Variants in TSHZ1 observed in about 807,000 individuals in gnomAD.
The protein encoded by TSHZ1 is teashirt homolog 1.
TSHZ1 carries 12 observed loss-of-function variants against 67.1 expected under a neutral mutation model. That is an observed-to-expected ratio of 0.18 (90% CI 0.11 to 0.29). TSHZ1 has a LOEUF of 0.29. Among genes scored for constraint, TSHZ1 ranks in the 10% least tolerant of loss-of-function variants. The probability of loss-of-function intolerance (pLI) is 1.00; values close to 1 mark genes in which losing one functional copy is unlikely to be tolerated. For synonymous variants in TSHZ1, 632 were observed against 622.4 expected, an observed-to-expected ratio of 1.02 and a Z score of -0.23; for missense variants, 1,305 against 1,413.9, an observed-to-expected ratio of 0.92 and a Z score of 1.23.
At position 75,282,987 on chromosome 18, in the gene TSHZ1, C is replaced by T. The variant is rs561851716; in HGVS notation, c.41-2461C>T. The T allele has an allele frequency of 3.3e-5, 5 of 152,446 alleles. No individual in the cohort carries two copies. The East Asian group carries it at 9.6e-4, about 29-fold the overall frequency. 9.4% of individuals were successfully genotyped at this position (152,446 alleles called of 1,614,324 possible). A position where few individuals can be genotyped will look rare whatever the true frequency, so the allele number is the denominator to read the frequency against. ...CAGATCCAAGTCAAGCTAAACGTTT[C>T]CTTTGCATTAGTGGCCATGAAACTC... On this transcript the variant is annotated intron_variant, in intron 1 of 1. Transcript: ENST00000580243.
chr18:75,234,670 A>G (rs1264340942), intron 1 of TSHZ1, among the ~76,000 whole-genome samples: 2 of 151,860 alleles, frequency 1.3e-5, no homozygotes, highest in Non-Finnish European at 2.9e-5. Context: ...ATTTGGTTGG[A>G]TACCAACTCA....
At position 75,281,685 on chromosome 18, in the gene TSHZ1, C is replaced by T. The variant is rs1031085425; in HGVS notation, c.41-3763C>T. On this transcript the variant is annotated intron_variant, in intron 1 of 1. Coordinates refer to ENST00000580243, the MANE Select transcript of TSHZ1 (RefSeq NM_001308210.2). The surrounding 1 kb of genome is among the most constrained non-coding windows in gnomAD (Gnocchi z 5.3). Reference sequence around the variant, plus strand: ...AGAGCAGGAGGCAGACCTGGGGATGCGGCAGCTCAGAACGGGGAGCGGGTA... The same window carrying T: ...AGAGCAGGAGGCAGACCTGGGGATGTGGCAGCTCAGAACGGGGAGCGGGTA... 2.6e-5 allele frequency among the ~76,000 whole-genome samples: 4 copies of T among 152,090 alleles called. No individual in the cohort carries two copies. Among genetic ancestry groups the T allele is most frequent in the African/African-American group, 9.7e-5 (4 of 41,418 alleles).
chr18:75,285,485 A>G lies in TSHZ1; in HGVS notation c.78A>G (p.Ile26Met). 6.6e-7 allele frequency: 1 copy of G among 1,509,364 alleles called. No homozygotes were observed. The highest frequency in any genetic ancestry group is 1.3e-5 in the South Asian group (1 of 74,554). 93.5% of individuals were successfully genotyped at this position (1,509,364 alleles called of 1,614,324 possible). A position where few individuals can be genotyped will look rare whatever the true frequency, so the allele number is the denominator to read the frequency against. ...VPEEELKAAE[I>M]DEEHVEDDGL... ...AGGAAGAATTGAAGGCAGCAGAAATAGATGAAGAGCACGTGGAGGATGACG... is the reference window on the plus strand; with the variant it reads ...AGGAAGAATTGAAGGCAGCAGAAATGGATGAAGAGCACGTGGAGGATGACG... Residue 26 changes from isoleucine (I) to methionine (M), a missense_variant, in exon 2 of 2, where the codon ATA becomes ATG. Physicochemically the swap from Ile to Met is conservative, Grantham distance 10 (BLOSUM62 1). Coordinates refer to ENST00000580243, the MANE Select transcript of TSHZ1 (RefSeq NM_001308210.2).
chr18:75,268,608 C>T (rs1028631686), intron 1 of TSHZ1, among the ~76,000 whole-genome samples: 8 of 152,070 alleles, frequency 5.3e-5, no homozygotes, highest in African/African-American at 1.9e-4. Context: ...TGAAAGGAGG[C>T]TGAATTGGAC....
intron 1 of TSHZ1, among the ~76,000 whole-genome samples, chr18:75,248,957 C>A (rs140374774): frequency 0.013 from 1,980 of 152,272 alleles, 17 homozygotes; most frequent in South Asian, 0.022. Context: ...GCCACCTCCG[C>A]GTGGGAGGAG....
At chr18:75,271,735 G>A (rs62089820) in intron 1 of TSHZ1, among the ~76,000 whole-genome samples, 4,103 of 69,000 alleles carry the variant, frequency 0.059, 68 homozygotes, top group Non-Finnish European at 0.084. Flanking sequence ...CCCCCTCCCC[G>A]CTTCCTGGTC....
At chr18:75,251,421 CT>C (rs1174375690) in intron 1 of TSHZ1, among the ~76,000 whole-genome samples, 1 of 149,508 alleles carries the variant, frequency 6.7e-6, no homozygotes, top group African/African-American at 2.5e-5. Flanking sequence ...TATTGGCTTG[CT>C]TTTTCACTCA....
At chr18:75,224,411 T>C (rs564990261) in intron 1 of TSHZ1, among the ~76,000 whole-genome samples, 1 of 152,292 alleles carries the variant, frequency 6.6e-6, no homozygotes, top group South Asian at 2.1e-4. Context: ...TGAGCGGAAG[T>C]GTCAAATCAA....
chr18:75,233,808 C>T (rs2023030543), intron 1 of TSHZ1, among the ~76,000 whole-genome samples: 1 of 152,168 alleles, frequency 6.6e-6, no homozygotes, highest in Non-Finnish European at 1.5e-5. Flanking sequence ...TACCTTGCAG[C>T]ACCTTTTTTC....
intron 1 of TSHZ1, chr18:75,282,849 G>A (rs2023702997): frequency 1.3e-5 from 2 of 152,454 alleles, no homozygotes; most frequent in African/African-American, 4.8e-5. Context: ...GCCTGCTGTG[G>A]GGTGGGCCAT....
intron 1 of TSHZ1, among the ~76,000 whole-genome samples, chr18:75,236,096 A>G (rs920391291): frequency 6.6e-6 from 1 of 152,168 alleles, no homozygotes; most frequent in East Asian, 1.9e-4. Flanking sequence ...CGTGCATGAT[A>G]GGAAGTGTGC....
chr18:75,285,502 A>C lies in TSHZ1; in HGVS notation c.95A>C (p.Glu32Ala). Residue 32 changes from glutamate to alanine, a missense_variant, in exon 2 of 2, where the codon GAG becomes GCG. Transcript: ENST00000580243. ...GCAGAAATAGATGAAGAGCACGTGG[A>C]GGATGACGGGCTGTCTTTGGACATT... ...KAAEIDEEHV[E>A]DDGLSLDIQE... The C allele has an allele frequency of 1.3e-6, 2 of 1,529,000 alleles. No homozygotes were observed. Among genetic ancestry groups the C allele is most frequent in the South Asian group, 2.6e-5 (2 of 77,716 alleles). The allele number at this position is 1,529,000 out of a possible 1,614,324, so 94.7% of individuals were successfully genotyped here.
chr18:75,287,176 A>G lies in TSHZ1; in HGVS notation c.1769A>G (p.Lys590Arg). 6.2e-7 allele frequency: 1 copy of G among 1,613,786 alleles called. No homozygotes were observed. The highest frequency in any genetic ancestry group is 8.5e-7 in the Non-Finnish European group (1 of 1,179,870). Residue 590 changes from lysine to arginine, a missense_variant, in exon 2 of 2, where the codon AAG becomes AGG. Lys to Arg is a conservative substitution (Grantham distance 26, BLOSUM62 2). This residue lies in a region of TSHZ1 where 909 missense variants were observed against 961.8 expected (regional missense o/e 0.95). Transcript: ENST00000580243. This position sits in a 1 kb window ranked among gnomAD's most constrained non-coding sequence, Gnocchi z 5.0. ...GCCTACCAGCTCCCGGGCACCGTGA[A>G]GCCACTGCCGGCGGCCGTGCAGAGC... Reference protein sequence around the residue: ...HAAYQLPGTVKPLPAAVQSVQ... With the variant: ...HAAYQLPGTVRPLPAAVQSVQ...
Position 75,286,763 on chromosome 18 carries a change from C to G in TSHZ1, c.1356C>G (p.Gly452=). The change falls in exon 2 of 2, where the codon GGC becomes GGG. Residue 452 remains glycine, a synonymous_variant. Transcript: ENST00000580243. This position sits in a 1 kb window ranked among gnomAD's most constrained non-coding sequence, Gnocchi z 5.1. ...TGACCACCTCGGCTTCTAAGAAGGGCAAGCAGTTGGTGCTGGACCCTGTGG... is the reference window on the plus strand; with the variant it reads ...TGACCACCTCGGCTTCTAAGAAGGGGAAGCAGTTGGTGCTGGACCCTGTGG... The part of the protein sequence containing the change: ...LKVTTSASKK[G]KQLVLDPVVE... 6.2e-7 allele frequency: 1 copy of G among 1,613,578 alleles called. No individual in the cohort carries two copies. Among genetic ancestry groups the G allele is most frequent in the South Asian group, 1.1e-5 (1 of 91,074 alleles).
intron 1 of TSHZ1, among the ~76,000 whole-genome samples, chr18:75,225,431 G>T (rs899017349): frequency 6.6e-6 from 1 of 152,246 alleles, no homozygotes; most frequent in African/African-American, 2.4e-5. Flanking sequence ...GTGTGTCAGC[G>T]TGATGGCCTG....
rs1243177066 is a variant in TSHZ1 at position 75,288,028 on chromosome 18, A to G, written c.2621A>G (p.Glu874Gly). Residue 874 changes from glutamate to glycine, a missense_variant, in exon 2 of 2, where the codon GAG (glutamate) becomes GGG (glycine). By Grantham distance (98) the Glu-to-Gly change is moderately conservative. Coordinates refer to ENST00000580243, the MANE Select transcript of TSHZ1 (RefSeq NM_001308210.2). The surrounding 1 kb of genome is among the most constrained non-coding windows in gnomAD (Gnocchi z 4.9). ...KSDADGSSFE[E>G]ALDELSPVHK... ...GATGCTGATGGCAGCAGCTTTGAGG[A>G]GGCGTTGGACGAGCTGTCACCGGTC... The G allele has an allele frequency of 6.2e-7, 1 of 1,614,114 alleles. No homozygotes were observed. Among genetic ancestry groups the G allele is most frequent in the Admixed American group, 1.7e-5 (1 of 60,028 alleles).
chr18:75,250,473 G>A (rs1352360282), intron 1 of TSHZ1, among the ~76,000 whole-genome samples: 1 of 152,234 alleles, frequency 6.6e-6, no homozygotes, highest in African/African-American at 2.4e-5. Flanking sequence ...GTGGGCGCAA[G>A]CCCTCCTGCC....
chr18:75,239,684 T>C (rs778460643), intron 1 of TSHZ1, among the ~76,000 whole-genome samples: 6 of 152,190 alleles, frequency 3.9e-5, no homozygotes, highest in Non-Finnish European at 7.3e-5. Context: ...AATTTTGTTT[T>C]GTAGAGGCAG....
intron 1 of TSHZ1, among the ~76,000 whole-genome samples, chr18:75,259,625 T>C (rs1309622695): frequency 6.6e-6 from 1 of 152,222 alleles, no homozygotes; most frequent in East Asian, 1.9e-4. Context: ...ACAAAACTTT[T>C]ATTACAGTAC....
Sources: gnomAD v4.1 joint callset for allele counts (sites outside exome capture counted in the v4.1 genomes callset) on GRCh38, gnomAD v4.1.1 for gene constraint, gnomAD v4.1.1 regional missense constraint, Gnocchi (gnomAD v3.1) non-coding constraint, MANE v1.5 for transcripts, NCBI Gene and HGNC (gene_info 2026-07-23, HGNC 2026-07-21) for gene names.